Variants in ZFP92 observed in about 807,000 individuals in gnomAD.
ZFP92 encodes zinc finger protein 92 homolog.
A neutral mutation model predicts 7.6 loss-of-function variants in ZFP92; 2 were observed. That is an observed-to-expected ratio of 0.26 (90% CI 0.11 to 0.83). The LOEUF is 0.83. Ranked by LOEUF, ZFP92 falls within the 40% of genes least tolerant of loss-of-function variation. ZFP92 has a pLI of 0.65. For synonymous variants in ZFP92, 226 were observed against 183.6 expected, an observed-to-expected ratio of 1.23 and a Z score of -1.87; for missense variants, 324 against 408.3, an observed-to-expected ratio of 0.79 and a Z score of 1.78.
In ZFP92 at chrX:153,420,834, C is replaced by T; in HGVS notation, c.457C>T (p.Leu153=). 1 of 1,175,865 alleles carries T rather than the reference C, an allele frequency of 8.5e-7. No homozygotes were observed. Among genetic ancestry groups the T allele is most frequent in the Non-Finnish European group, 1.1e-6 (1 of 877,317 alleles). The change falls in exon 6 of 6, where the codon CTG becomes TTG. Residue 153 remains leucine (L), a synonymous_variant. Transcript: ENST00000338647. ...QGPKGAEKRY[L]CQQCGKAFSR... ...CCCCAAAGGCGCGGAGAAGCGGTAC[C>T]TGTGCCAGCAGTGTGGGAAGGCCTT...
At chrX:153,417,435 C>T (rs1412906415) in intron 2 of ZFP92, among the ~76,000 whole-genome samples, 1 of 111,876 alleles carries the variant, frequency 8.9e-6, no homozygotes, top group Non-Finnish European at 1.9e-5. Flanking sequence ...TGTAGGTCCC[C>T]CTTGATTCTG....
chrX:153,422,009 A>G lies in ZFP92; in HGVS notation c.*381A>G, dbSNP rs1189086400. 13 of 122,316 alleles carry G rather than the reference A, an allele frequency of 1.1e-4. No homozygotes were observed. Among genetic ancestry groups the G allele is most frequent in the African/African-American group, 4.2e-4 (13 of 31,247 alleles). 10.1% of individuals were successfully genotyped at this position (122,316 alleles called of 1,213,427 possible). A position where few individuals can be genotyped will look rare whatever the true frequency, so the allele number is the denominator to read the frequency against. ...AGGCGTGCGTGGAGGGGATGCGTGA[A>G]CCATCCCTCGGATTTGCATCAGAAT... On this transcript the variant is annotated 3_prime_UTR_variant, in exon 6 of 6. Coordinates refer to ENST00000338647, the MANE Select transcript of ZFP92 (RefSeq NM_001136273.2).
intron 2 of ZFP92, among the ~76,000 whole-genome samples, chrX:153,415,296 C>T (rs1424188303): frequency 1.2e-4 from 14 of 112,629 alleles, no homozygotes; most frequent in Admixed American, 7.5e-4. Flanking sequence ...TAGGTCAAGA[C>T]GGCTCTTGGG....
At chrX:153,420,381 G>C in intron 5 of ZFP92, 49 bp downstream of exon 5, 1 of 1,056,019 alleles carries the variant, frequency 9.5e-7, no homozygotes, top group Non-Finnish European at 1.3e-6. Flanking sequence ...AAAAGAAATA[G>C]CAGTGGCAAA....
At chrX:153,416,029 C>T (rs979523667) in intron 2 of ZFP92, among the ~76,000 whole-genome samples, 25 of 111,255 alleles carry the variant, frequency 2.2e-4, no homozygotes, top group Non-Finnish European at 4.3e-4. Context: ...TCTAGAACAG[C>T]CTCTCTCCCC....
At chrX:153,412,984 C>T (rs781882160) in intron 2 of ZFP92, among the ~76,000 whole-genome samples, 40 of 111,491 alleles carry the variant, frequency 3.6e-4, no homozygotes, top group Non-Finnish European at 6.4e-4. Flanking sequence ...TGGAGGGCCC[C>T]GGTCGACCCA....
chrX:153,416,885 G>C (rs1027068289), intron 2 of ZFP92, among the ~76,000 whole-genome samples: 32 of 111,732 alleles, frequency 2.9e-4, no homozygotes, highest in Non-Finnish European at 5.5e-4. Context: ...GGTGGCGCAC[G>C]GCATGTGCAG....
rs188639570 is a variant in ZFP92, at chrX:153,415,431, T to C, written c.-18-2874T>C. Among the ~76,000 whole-genome samples, 9 of 112,422 alleles carry C rather than the reference T, an allele frequency of 8.0e-5. No homozygotes were observed. In the East Asian group the frequency reaches 2.5e-3, roughly 31 times the overall value. ...CATGGTAGCATGTGTCAGAATTTCC[T>C]TTCTTTCTATGGCCAAATACTTTTC... On this transcript the variant is annotated intron_variant, in intron 2 of 5. Coordinates refer to ENST00000338647, the MANE Select transcript of ZFP92 (RefSeq NM_001136273.2).
Position 153,418,843 on chromosome X carries a change from C to A in ZFP92, c.160+44C>A, listed in dbSNP as rs1556974394. On this transcript the variant is annotated intron_variant, in intron 4 of 5. Transcript: ENST00000338647. ...ACATACACACACCCAGTCCCACCTA[C>A]TCTGTCTCTGGGCTCAGTTTATTTC... 4.4e-6 allele frequency: 5 copies of A among 1,145,048 alleles called. No individual in the cohort carries two copies. In the South Asian group the frequency reaches 1.0e-4, roughly 23 times the overall value. The allele number at this position is 1,145,048 out of a possible 1,213,427, so 94.4% of individuals were successfully genotyped here.
intron 2 of ZFP92, among the ~76,000 whole-genome samples, chrX:153,416,772 C>T (rs781849785): frequency 3.6e-5 from 4 of 111,798 alleles, no homozygotes; most frequent in Non-Finnish European, 7.5e-5. Flanking sequence ...GAAAAGGTTG[C>T]TTTAGCTCAG....
At chrX:153,416,567 C>G (rs1478534820) in intron 2 of ZFP92, among the ~76,000 whole-genome samples, 1 of 111,448 alleles carries the variant, frequency 9.0e-6, no homozygotes, top group Non-Finnish European at 1.9e-5. Flanking sequence ...TTGGCACAAA[C>G]AAACTGTAGT....
rs1556974754 is a variant in ZFP92 at position 153,420,720 on chromosome X, G to T, written c.343G>T (p.Gly115Cys). The change falls in exon 6 of 6, where the codon GGT (glycine) becomes TGT (cysteine). Residue 115 changes from glycine (G) to cysteine (C), a missense_variant. Transcript: ENST00000338647. The part of the protein sequence containing the change: ...GRQLPGADPQ[G>C]GKEGQAARSS... Reference sequence around the variant, plus strand: ...ACAACTCCCCGGGGCCGATCCACAAGGTGGCAAGGAGGGGCAGGCGGCGAG... The same window carrying T: ...ACAACTCCCCGGGGCCGATCCACAATGTGGCAAGGAGGGGCAGGCGGCGAG... 1 of 1,153,860 alleles carries T rather than the reference G, an allele frequency of 8.7e-7. No homozygotes were observed. Among genetic ancestry groups the T allele is most frequent in the Non-Finnish European group, 1.2e-6 (1 of 864,440 alleles).
At chrX:153,416,677 G>A (rs1427184687) in intron 2 of ZFP92, among the ~76,000 whole-genome samples, 2 of 111,968 alleles carry the variant, frequency 1.8e-5, no homozygotes, top group African/African-American at 6.5e-5. Context: ...GGCGTGTGCT[G>A]AGAAAGGAAC....
chrX:153,418,847 G>A (rs1556974396), intron 4 of ZFP92, 48 bp downstream of exon 4: 2 of 1,133,455 alleles, frequency 1.8e-6, no homozygotes. Context: ...CACCTACTCT[G>A]TCTCTGGGCT....
chrX:153,413,085 G>A (rs941939961), intron 2 of ZFP92, among the ~76,000 whole-genome samples: 23 of 110,639 alleles, frequency 2.1e-4, no homozygotes, highest in African/African-American at 7.2e-4. Flanking sequence ...CTAGGGCCTC[G>A]GGCCAAGGAA....
At chrX:153,414,430 C>G (rs1375397659) in intron 2 of ZFP92, among the ~76,000 whole-genome samples, 1 of 111,702 alleles carries the variant, frequency 9.0e-6, no homozygotes, top group African/African-American at 3.3e-5. Context: ...TCGCTGCAAC[C>G]TCAACCTTCC....
intron 2 of ZFP92, among the ~76,000 whole-genome samples, chrX:153,412,334 G>A (rs1438414954): frequency 2.7e-5 from 3 of 112,537 alleles, no homozygotes; most frequent in African/African-American, 9.7e-5. Flanking sequence ...CTTCCCTACA[G>A]GGCTAGTTGT....
At chrX:153,415,066 T>G (rs929507388) in intron 2 of ZFP92, among the ~76,000 whole-genome samples, 2 of 112,805 alleles carry the variant, frequency 1.8e-5, no homozygotes, top group Non-Finnish European at 3.8e-5. Context: ...TTGGATTGAT[T>G]GAGTTGCATA....
chrX:153,413,839 T>A (rs2088928806), intron 2 of ZFP92, among the ~76,000 whole-genome samples: 1 of 112,469 alleles, frequency 8.9e-6, no homozygotes, highest in Admixed American at 9.3e-5. Flanking sequence ...GTAGATGATT[T>A]TCGGGAACTA....
Sources: gnomAD v4.1 joint callset for allele counts (sites outside exome capture counted in the v4.1 genomes callset) on GRCh38, gnomAD v4.1.1 for gene constraint, MANE v1.5 for transcripts, NCBI Gene and HGNC (gene_info 2026-07-23, HGNC 2026-07-21) for gene names.